ANK2: variants seen among roughly 807,000 people sequenced by gnomAD.
The protein encoded by ANK2 is ankyrin 2.
In ANK2, 83 loss-of-function variants were observed where a neutral mutation model predicts 360.5. The ratio of observed to expected loss-of-function variants is 0.23; its 90% CI spans 0.19 to 0.28. ANK2 has a LOEUF of 0.28. Among genes scored for constraint, ANK2 ranks in the 10% least tolerant of loss-of-function variants. The pLI is 1.00. For missense variants in ANK2, 4,201 were observed against 4,795.7 expected (o/e 0.88, Z 3.66); for synonymous variants, 1,740 against 1,759.5 (o/e 0.99, Z 0.28).
At chr4:112,981,011 G>T (rs775522598) in intron 2 of ANK2, among the ~76,000 whole-genome samples, 6 of 152,238 alleles carry the variant, frequency 3.9e-5, no homozygotes, top group Non-Finnish European at 4.4e-5. Flanking sequence ...TATAAACGAA[G>T]ATCTGCGTGA....
In ANK2 at chr4:113,333,121, C is replaced by A. The variant is rs754235325; in HGVS notation, c.3292C>A (p.Arg1098Ser). The A allele has an allele frequency of 6.2e-7, 1 of 1,614,148 alleles. No individual in the cohort carries two copies. Among genetic ancestry groups the A allele is most frequent in the Non-Finnish European group, 8.5e-7 (1 of 1,180,024 alleles). ...AAAGGAAAGGGAACTGGTGGTCCTG[C>A]GCAGTGAGAATGGGGACAGCTGGAA... is the stretch of plus-strand genomic sequence containing the variant. ...RGKERELVVL[R>S]SENGDSWKEH... The change falls in exon 29 of 46, where the codon CGC (arginine) becomes AGC (serine). Residue 1098 changes from arginine (R) to serine (S), a missense_variant. By Grantham distance (110) the Arg-to-Ser change is moderately radical. Transcript: ENST00000357077.
chr4:112,829,454 A>G (rs2059179401), intron 1 of ANK2, among the ~76,000 whole-genome samples: 1 of 139,208 alleles, frequency 7.2e-6, no homozygotes, highest in African/African-American at 2.8e-5. Flanking sequence ...ACCAGGAGTT[A>G]GACTAGCCTG....
rs555227552 is a variant in ANK2 at position 112,980,712 on chromosome 4, C to T, written c.21+76198C>T. Among the ~76,000 whole-genome samples, 5 of 152,250 alleles carry T rather than the reference C, an allele frequency of 3.3e-5. 1 individual carries two copies. The South Asian group carries it at 1.0e-3, about 32-fold the overall frequency. On this transcript the variant is annotated intron_variant, in intron 2 of 30. Transcript: ENST00000503271. ...GGCTGTAGTCTTTTTCTTTGAGGTG[C>T]TCAGGGCAGAATATATTTCTGTTAC... is the stretch of plus-strand genomic sequence containing the variant.
At chr4:113,052,963 T>C (rs1028416373) in intron 1 of ANK2, among the ~76,000 whole-genome samples, 1 of 152,198 alleles carries the variant, frequency 6.6e-6, no homozygotes, top group Non-Finnish European at 1.5e-5. Flanking sequence ...GCTAGAGCGT[T>C]ACTAAAGCTA....
intron 1 of ANK2, among the ~76,000 whole-genome samples, chr4:113,173,283 C>G (rs1022285993): frequency 6.6e-6 from 1 of 152,166 alleles, no homozygotes; most frequent in Admixed American, 6.5e-5. Context: ...ATTTCTATCT[C>G]TGTACATCAC....
chr4:112,807,502 T>C, the ANK2 span, among the ~76,000 whole-genome samples: 1 of 152,190 alleles, frequency 6.6e-6, no homozygotes, highest in Non-Finnish European at 1.5e-5. Context: ...TTCTGGATGA[T>C]GGTGAATTTT....
At chr4:113,292,811 C>T (rs997691628) in intron 21 of ANK2, among the ~76,000 whole-genome samples, 4 of 152,124 alleles carry the variant, frequency 2.6e-5, no homozygotes, top group African/African-American at 4.8e-5. Context: ...GATGTGAGCA[C>T]AAATTGACCC....
Position 113,371,869 on chromosome 4 carries a change from T to G in ANK2, c.11611-1221T>G, listed in dbSNP as rs190221128. On this transcript the variant is annotated intron_variant, in intron 43 of 45. Transcript: ENST00000357077. ...ACAAAATTTCATTAGGGAAGAGTAA[T>G]TCAATATATGACTCCTAAGGTAATG... Among the ~76,000 whole-genome samples the G allele has an allele frequency of 4.1e-4, 62 of 152,328 alleles. No individual in the cohort carries two copies. The East Asian group carries it at 0.011, about 27-fold the overall frequency.
chr4:113,230,881 G>A (rs779704282), intron 4 of ANK2, among the ~76,000 whole-genome samples: 6 of 152,114 alleles, frequency 3.9e-5, no homozygotes, highest in East Asian at 1.9e-4. Context: ...CTGTAGCTCC[G>A]TGATAGCCTA....
At chr4:112,798,977 T>A in the ANK2 span, among the ~76,000 whole-genome samples, 1 of 152,178 alleles carries the variant, frequency 6.6e-6, no homozygotes, top group Non-Finnish European at 1.5e-5. Context: ...AAAAAATAAT[T>A]CCCTATCCCC....
Position 113,367,626 on chromosome 4 carries a change from C to A in ANK2, c.11093C>A (p.Ala3698Asp). The change falls in exon 42 of 46, where the codon GCT becomes GAT. Residue 3698 changes from alanine (A) to aspartate (D), a missense_variant. Ala to Asp is a moderately radical substitution (Grantham distance 126, BLOSUM62 -2). This residue lies in a region of ANK2 where 2,642 missense variants were observed against 2,714.5 expected (regional missense o/e 0.97). Transcript: ENST00000357077. ...TAQHKQKEEQAVSKESETCDH... is the reference protein window; with the variant it reads ...TAQHKQKEEQDVSKESETCDH... ...CAGCACAAGCAGAAAGAGGAGCAAG[C>A]TGTTTCTAAAGAAAGTGAGACCTGC... is the stretch of plus-strand genomic sequence containing the variant. 1.2e-6 allele frequency: 2 copies of A among 1,613,808 alleles called. No individual in the cohort carries two copies. The highest frequency in any genetic ancestry group is 1.7e-6 in the Non-Finnish European group (2 of 1,179,962).
intron 2 of ANK2, among the ~76,000 whole-genome samples, chr4:113,010,509 C>T (rs2054363969): frequency 6.6e-6 from 1 of 152,020 alleles, no homozygotes. Flanking sequence ...CTGAAGTGAA[C>T]AAGACAGTTA....
rs2153959204 is a variant in ANK2, at chr4:113,336,018, A to T, written c.3552A>T (p.Pro1184=). ...TGCCCCAGGTGCAGGCCGTCTTCCC[A>T]GAGGGGGCACTCACCAAGCGGATCC... ...TVVPQVQAVF[P]EGALTKRIRV... The change falls in exon 30 of 46, where the codon CCA becomes CCT. Residue 1184 remains proline (P), a synonymous_variant. Transcript: ENST00000357077. 1.2e-6 allele frequency: 2 copies of T among 1,614,152 alleles called. No homozygotes were observed. Among genetic ancestry groups the T allele is most frequent in the Non-Finnish European group, 1.7e-6 (2 of 1,180,028 alleles).
At chr4:112,795,176 T>G in the ANK2 span, among the ~76,000 whole-genome samples, 1 of 152,182 alleles carries the variant, frequency 6.6e-6, no homozygotes. Context: ...GATGTTATTT[T>G]CCAATAAATG....
chr4:112,781,256 C>T, the ANK2 span, among the ~76,000 whole-genome samples: 4 of 152,236 alleles, frequency 2.6e-5, no homozygotes, highest in Non-Finnish European at 2.9e-5. Flanking sequence ...CCTGCCACCA[C>T]GCCTAGCTAA....
intron 2 of ANK2, among the ~76,000 whole-genome samples, chr4:112,905,211 G>GAGGAAACA (rs2084797788): frequency 6.6e-6 from 1 of 152,116 alleles, no homozygotes; most frequent in African/African-American, 2.4e-5. Flanking sequence ...TTTGGTTACA[G>GAGGAAACA]AGGAAACAAT....
intron 2 of ANK2, among the ~76,000 whole-genome samples, chr4:112,988,108 T>C (rs2154276822): frequency 6.6e-6 from 1 of 151,630 alleles, no homozygotes; most frequent in South Asian, 2.1e-4. Context: ...ACTGCAGTGA[T>C]AATAGCTATG....
intron 32 of ANK2, among the ~76,000 whole-genome samples, chr4:113,340,526 C>G (rs567236387): frequency 2.3e-4 from 35 of 152,108 alleles, no homozygotes; most frequent in Non-Finnish European, 4.1e-4. Context: ...AACCCTGTCT[C>G]TCACAAAAAA....
At chr4:113,121,448 T>A (rs1582201035) in intron 1 of ANK2, among the ~76,000 whole-genome samples, 1 of 152,178 alleles carries the variant, frequency 6.6e-6, no homozygotes, top group East Asian at 1.9e-4. Context: ...TTAAATACTG[T>A]GATAGTAAAT....
Sources: gnomAD v4.1 joint callset for allele counts (sites outside exome capture counted in the v4.1 genomes callset) on GRCh38, gnomAD v4.1.1 for gene constraint, gnomAD v4.1.1 regional missense constraint, MANE v1.5 for transcripts, NCBI Gene and HGNC (gene_info 2026-07-23, HGNC 2026-07-21) for gene names.